IFNGR2: variants seen among roughly 807,000 people sequenced by gnomAD.
The protein encoded by IFNGR2 is IFN-gamma receptor 2.
A neutral mutation model predicts 41.1 loss-of-function variants in IFNGR2; 15 were observed. The observed-to-expected ratio is 0.37, with a 90% confidence interval of 0.24 to 0.56. IFNGR2 has a LOEUF of 0.56. Ranked by LOEUF, IFNGR2 falls within the 20% of genes least tolerant of loss-of-function variation. IFNGR2 has a pLI of 0.81. For synonymous variants in IFNGR2, 161 were observed against 171.6 expected (o/e 0.94, Z 0.48); for missense variants, 362 against 415.7 (o/e 0.87, Z 1.12).
intron 4 of IFNGR2, 78 bp downstream of exon 4, chr21:33,427,110 C>T: frequency 7.7e-7 from 1 of 1,291,070 alleles, no homozygotes; most frequent in Non-Finnish European, 1.1e-6. Context: ...AAACCTTTAA[C>T]ATGGGCAAGA....
intron 4 of IFNGR2, among the ~76,000 whole-genome samples, chr21:33,428,380 A>G (rs1487019552): frequency 6.6e-6 from 1 of 151,328 alleles, no homozygotes; most frequent in Admixed American, 6.6e-5. Context: ...TGCCAACCAC[A>G]CCTGGCTAAT....
At chr21:33,418,139 C>T (rs1263403383) in intron 2 of IFNGR2, among the ~76,000 whole-genome samples, 1 of 152,160 alleles carries the variant, frequency 6.6e-6, no homozygotes, top group African/African-American at 2.4e-5. Context: ...TCACTGCAGC[C>T]TCCGCCTCGT....
At chr21:33,403,714 G>A in intron 1 of IFNGR2, 98 bp downstream of exon 1, 3 of 810,638 alleles carry the variant, frequency 3.7e-6, no homozygotes, top group Non-Finnish European at 4.9e-6. Flanking sequence ...GAATCTGCCG[G>A]GTGCTCAGAG....
intron 1 of IFNGR2, among the ~76,000 whole-genome samples, chr21:33,413,020 G>GACA (rs60246957): frequency 0.094 from 14,292 of 152,186 alleles, 898 homozygotes; most frequent in East Asian, 0.25. Context: ...ATGTCTGGGC[G>GACA]TCAGTTTCCC....
At chr21:33,405,337 C>T (rs571242240) in intron 1 of IFNGR2, among the ~76,000 whole-genome samples, 13 of 152,172 alleles carry the variant, frequency 8.5e-5, no homozygotes, top group Non-Finnish European at 1.9e-4. Flanking sequence ...AGTTCCGTAT[C>T]TCCTTGATCT....
intron 4 of IFNGR2, among the ~76,000 whole-genome samples, chr21:33,428,731 C>A (rs1053721049): frequency 6.6e-6 from 1 of 152,202 alleles, no homozygotes; most frequent in Non-Finnish European, 1.5e-5. Flanking sequence ...GATACGGTGC[C>A]GGAAATGCAA....
intron 4 of IFNGR2, among the ~76,000 whole-genome samples, chr21:33,431,448 T>C (rs2083886561): frequency 6.6e-6 from 1 of 152,074 alleles, no homozygotes. Context: ...TGGGTGTCTA[T>C]AATCCCAACT....
In IFNGR2 at chr21:33,403,533, C is replaced by A; in HGVS notation, c.-11C>A. 2 of 1,275,412 alleles carry A rather than the reference C, an allele frequency of 1.6e-6. No individual in the cohort carries two copies. The highest frequency in any genetic ancestry group is 2.1e-5 in the South Asian group (1 of 47,008). The allele number at this position is 1,275,412 out of a possible 1,614,324, so 79.0% of individuals were successfully genotyped here. A position where few individuals can be genotyped will look rare whatever the true frequency, so the allele number is the denominator to read the frequency against. On this transcript the variant is annotated 5_prime_UTR_variant, in exon 1 of 7. Coordinates refer to ENST00000290219, the MANE Select transcript of IFNGR2 (RefSeq NM_005534.4). ...GGCCGCGACCTGAGCCGCCGCCGAG[C>A]GCCCGGGGCCATGCGACCGACGCTG...
Position 33,432,744 on chromosome 21 carries a change from T to A in IFNGR2, c.752T>A (p.Ile251Asn). 1.2e-6 allele frequency: 2 copies of A among 1,614,176 alleles called. No homozygotes were observed. Among genetic ancestry groups the A allele is most frequent in the Non-Finnish European group, 1.7e-6 (2 of 1,180,020 alleles). The change falls in exon 6 of 7, where the codon ATC (isoleucine) becomes AAC (asparagine). Residue 251 changes from isoleucine (I) to asparagine (N), a missense_variant. Physicochemically the swap from Ile to Asn is moderately radical, Grantham distance 149. Coordinates refer to ENST00000290219, the MANE Select transcript of IFNGR2 (RefSeq NM_005534.4). ...ACTGAGCTTCAGCAAGTCATCCTGA[T>A]CTCCGTGGGAACATTTTCGTTGCTG... Reference protein sequence around the residue: ...ASTELQQVILISVGTFSLLSV... With the variant: ...ASTELQQVILNSVGTFSLLSV...
Position 33,436,567 on chromosome 21 carries a change from A to G in IFNGR2, c.880-261A>G, listed in dbSNP as rs17883069. ...GTGAAACCCTGTCTCTACTAAAAAT[A>G]CAAAATTAGCCAGGCAAGGTGGTGG... is the stretch of plus-strand genomic sequence containing the variant. On this transcript the variant is annotated intron_variant, in intron 6 of 6. Coordinates refer to ENST00000290219, the MANE Select transcript of IFNGR2 (RefSeq NM_005534.4). Among the ~76,000 whole-genome samples the G allele has an allele frequency of 4.9e-3, 753 of 152,128 alleles. 3 individuals are homozygous for G. Among genetic ancestry groups the G allele is most frequent in the Non-Finnish European group, 8.1e-3 (554 of 67,982 alleles).
intron 4 of IFNGR2, among the ~76,000 whole-genome samples, chr21:33,427,535 G>A (rs1044203728): frequency 2.6e-5 from 4 of 152,216 alleles, no homozygotes; most frequent in Non-Finnish European, 4.4e-5. Context: ...GAGAACTGCA[G>A]GTGCTTAGAT....
intron 2 of IFNGR2, among the ~76,000 whole-genome samples, chr21:33,419,659 A>C (rs1349363230): frequency 6.6e-6 from 1 of 152,200 alleles, no homozygotes; most frequent in Non-Finnish European, 1.5e-5. Flanking sequence ...GGGCGTAGAC[A>C]GTTGGCAGCT....
At chr21:33,436,698 G>A in intron 6 of IFNGR2, 130 bp from the exon 7 acceptor site, 1 of 699,014 alleles carries the variant, frequency 1.4e-6, no homozygotes, top group East Asian at 2.9e-5. Context: ...CTCCAGCCTA[G>A]GCAAGAGTAA....
chr21:33,410,505 G>T (rs538517150), intron 1 of IFNGR2, among the ~76,000 whole-genome samples: 1 of 148,272 alleles, frequency 6.7e-6, no homozygotes, highest in African/African-American at 2.5e-5. Flanking sequence ...TCTCGCTCTT[G>T]TCGCCCAAGC....
At chr21:33,436,017 C>T (rs977747543) in intron 6 of IFNGR2, among the ~76,000 whole-genome samples, 1 of 151,828 alleles carries the variant, frequency 6.6e-6, no homozygotes, top group African/African-American at 2.4e-5. Flanking sequence ...GCCGAGATCG[C>T]GCCACTGCAC....
At chr21:33,415,745 C>A (rs2083749055) in intron 2 of IFNGR2, among the ~76,000 whole-genome samples, 1 of 152,182 alleles carries the variant, frequency 6.6e-6, no homozygotes, top group Admixed American at 6.5e-5. Context: ...ATGCTGTTTG[C>A]AGAATCAATT....
chr21:33,428,063 A>C (rs2123360623), intron 4 of IFNGR2, among the ~76,000 whole-genome samples: 1 of 151,914 alleles, frequency 6.6e-6, no homozygotes, highest in South Asian at 2.1e-4. Flanking sequence ...GTTTGCAGAG[A>C]GAGAATCCAA....
intron 1 of IFNGR2, among the ~76,000 whole-genome samples, chr21:33,405,261 A>G (rs749871616): frequency 2.0e-5 from 3 of 152,216 alleles, no homozygotes; most frequent in African/African-American, 7.2e-5. Context: ...GATTCTTCCC[A>G]TTCGAAGCTA....
rs766931525 is a variant in IFNGR2, at chr21:33,415,028, G to A, written c.206+8G>A. 2.5e-5 allele frequency: 41 copies of A among 1,613,858 alleles called. No homozygotes were observed. The highest frequency in any genetic ancestry group is 1.8e-4 in the Admixed American group (11 of 59,982). ...CCAAGTGCAGTTTAAATAGTAAGCCGGTATTTCTGTTGGATCCTTGCTGGG... is the reference window on the plus strand; with the variant it reads ...CCAAGTGCAGTTTAAATAGTAAGCCAGTATTTCTGTTGGATCCTTGCTGGG... On this transcript the variant is annotated splice_region_variant and intron_variant, in intron 2 of 6. Coordinates refer to ENST00000290219, the MANE Select transcript of IFNGR2 (RefSeq NM_005534.4).
Sources: gnomAD v4.1 joint callset for allele counts (sites outside exome capture counted in the v4.1 genomes callset) on GRCh38, gnomAD v4.1.1 for gene constraint, MANE v1.5 for transcripts, NCBI Gene and HGNC (gene_info 2026-07-23, HGNC 2026-07-21) for gene names.